The following LNX1 variants were observed in gnomAD, a reference collection of about 807,000 sequenced individuals.
LNX1 encodes E3 ubiquitin-protein ligase LNX.
A neutral mutation model predicts 68.4 loss-of-function variants in LNX1; 54 were observed. That is an observed-to-expected ratio of 0.79 (90% CI 0.63 to 0.99). LNX1 has a LOEUF of 0.99. Among genes scored for constraint, LNX1 ranks in the 50% least tolerant of loss-of-function variants. The probability of loss-of-function intolerance (pLI) is 0.00; values close to 1 mark genes in which losing one functional copy is unlikely to be tolerated. For missense variants in LNX1, 906 were observed against 926.4 expected (o/e 0.98, Z 0.29); for synonymous variants, 336 against 350.0 (o/e 0.96, Z 0.45).
upstream of LNX1, among the ~76,000 whole-genome samples, chr4:53,618,072 T>C (rs1451157151): frequency 6.6e-6 from 1 of 152,188 alleles, no homozygotes; most frequent in Non-Finnish European, 1.5e-5. Context: ...GATACTGTGA[T>C]TTTTAAAAGT....
intron 1 of LNX1, among the ~76,000 whole-genome samples, chr4:53,651,017 C>G (rs552629145): frequency 2.0e-5 from 3 of 152,184 alleles, no homozygotes; most frequent in Non-Finnish European, 4.4e-5. Context: ...CCATCATTCT[C>G]ATTTTACATA....
chr4:53,544,941 C>T (rs1028972452), intron 2 of LNX1, among the ~76,000 whole-genome samples: 2 of 152,296 alleles, frequency 1.3e-5, no homozygotes, highest in African/African-American at 4.8e-5. Flanking sequence ...ATAATGCACT[C>T]GACCAGCACG....
intron 2 of LNX1, among the ~76,000 whole-genome samples, chr4:53,553,892 A>G (rs1236092424): frequency 6.6e-6 from 1 of 152,212 alleles, no homozygotes; most frequent in African/African-American, 2.4e-5. Context: ...CCTGATAGCA[A>G]TAACTTAAGC....
At chr4:53,508,398 A>G (rs1296206306) in intron 2 of LNX1, 171 bp from the exon 3 acceptor site, 9 of 754,686 alleles carry the variant, frequency 1.2e-5, no homozygotes, top group Non-Finnish European at 1.9e-5. Flanking sequence ...TACTCAATAT[A>G]CATTTGCCAA....
At chr4:53,499,734 GA>G (rs1205620059) in intron 4 of LNX1, among the ~76,000 whole-genome samples, 1 of 152,124 alleles carries the variant, frequency 6.6e-6, no homozygotes, top group Non-Finnish European at 1.5e-5. Context: ...AGGCTTGGGG[GA>G]ACATCAGTTC....
At chr4:53,533,738 C>A (rs184916508) in intron 2 of LNX1, among the ~76,000 whole-genome samples, 2 of 152,172 alleles carry the variant, frequency 1.3e-5, no homozygotes, top group Non-Finnish European at 2.9e-5. Flanking sequence ...GGAGGGTGCT[C>A]CTGGCATGTA....
At chr4:53,606,657 AG>A (rs1420598750) in intron 2 of LNX1, among the ~76,000 whole-genome samples, 2 of 152,192 alleles carry the variant, frequency 1.3e-5, no homozygotes, top group East Asian at 3.8e-4. Flanking sequence ...CAATAAAAAA[AG>A]AAAACTTCAG....
chr4:53,492,503 C>T (rs1724748979), intron 6 of LNX1, among the ~76,000 whole-genome samples: 1 of 20,018 alleles, frequency 5.0e-5, no homozygotes, highest in South Asian at 1.1e-3. Context: ...CCTCAGAGGG[C>T]TCTGAGAGAG....
intron 9 of LNX1, among the ~76,000 whole-genome samples, chr4:53,466,784 G>A (rs1199211436): frequency 1.3e-5 from 2 of 152,236 alleles, no homozygotes; most frequent in South Asian, 4.1e-4. Context: ...GCTGGGGGAG[G>A]GGCGCCCGCC....
intron 1 of LNX1, among the ~76,000 whole-genome samples, chr4:53,645,837 C>T (rs1734865665): frequency 1.3e-5 from 2 of 152,074 alleles, no homozygotes; most frequent in Non-Finnish European, 2.9e-5. Flanking sequence ...TATCTGAAAC[C>T]GTATGAAATA....
intron 2 of LNX1, among the ~76,000 whole-genome samples, chr4:53,530,614 GA>G (rs1727946900): frequency 6.6e-6 from 1 of 152,074 alleles, no homozygotes; most frequent in Non-Finnish European, 1.5e-5. Context: ...CTCTTACTTT[GA>G]ATCAGTAATT....
chr4:53,548,027 G>A (rs1394979816), intron 2 of LNX1, among the ~76,000 whole-genome samples: 1 of 151,892 alleles, frequency 6.6e-6, no homozygotes, highest in Non-Finnish European at 1.5e-5. Context: ...TCCAATCTTG[G>A]TGGTAATGAA....
chr4:53,592,399 A>G (rs1264652005), upstream of LNX1, among the ~76,000 whole-genome samples: 2 of 152,158 alleles, frequency 1.3e-5, no homozygotes, highest in African/African-American at 2.4e-5. Context: ...GCACCAGAGC[A>G]GGCAGCTGGG....
intron 6 of LNX1, among the ~76,000 whole-genome samples, chr4:53,490,907 C>T (rs970296660): frequency 2.6e-5 from 4 of 152,116 alleles, no homozygotes; most frequent in Middle Eastern, 3.2e-3. Context: ...TTTCAACTAG[C>T]TTTGCTCCCA....
At chr4:53,606,669 G>A (rs763162307) in intron 2 of LNX1, among the ~76,000 whole-genome samples, 4 of 151,990 alleles carry the variant, frequency 2.6e-5, no homozygotes, top group Non-Finnish European at 4.4e-5. Flanking sequence ...AAAACTTCAG[G>A]CCAATATCTT....
rs143854890 is a variant in LNX1 at position 53,522,358 on chromosome 4, C to T, written c.381-14131G>A. ...AATGCATTTATTTATTCCACAAATA[C>T]TGAAGTGATTACTAAAGTCTACTAA... On this transcript the variant is annotated intron_variant, in intron 2 of 10. Coordinates refer to ENST00000263925, the MANE Select transcript of LNX1 (RefSeq NM_001126328.3). Among the ~76,000 whole-genome samples the T allele has an allele frequency of 7.8e-3, 1,194 of 152,262 alleles. 14 individuals carry two copies. The highest frequency in any genetic ancestry group is 0.027 in the African/African-American group (1,103 of 41,542).
chr4:53,641,419 T>C (rs906237704), intron 1 of LNX1, among the ~76,000 whole-genome samples: 3 of 152,248 alleles, frequency 2.0e-5, no homozygotes, highest in Admixed American at 2.0e-4. Flanking sequence ...TTCACTCTAG[T>C]AACATTATCC....
intron 2 of LNX1, among the ~76,000 whole-genome samples, chr4:53,526,107 A>AGG (rs1351184395): frequency 8.4e-5 from 1 of 11,856 alleles, no homozygotes; most frequent in Non-Finnish European, 3.5e-3. Flanking sequence ...CTTTCTAGAA[A>AGG]AGAAAAAATA....
intron 1 of LNX1, among the ~76,000 whole-genome samples, chr4:53,582,571 A>T (rs993780728): frequency 6.6e-6 from 1 of 152,224 alleles, no homozygotes; most frequent in African/African-American, 2.4e-5. Flanking sequence ...TTGCACATTT[A>T]AAAGTTATTC....
Sources: allele counts gnomAD v4.1 joint callset (sites outside exome capture counted in the v4.1 genomes callset), GRCh38; gene constraint gnomAD v4.1.1; transcripts MANE v1.5; gene names NCBI Gene and HGNC (gene_info 2026-07-23, HGNC 2026-07-21).